The following SLC25A13 variants were observed in gnomAD, a reference collection of about 807,000 sequenced individuals.
The protein encoded by SLC25A13 is solute carrier family 25 member 13.
A neutral mutation model predicts 85.5 loss-of-function variants in SLC25A13; 70 were observed. The ratio of observed to expected loss-of-function variants is 0.82; its 90% CI spans 0.68 to 1.00. The LOEUF (loss-of-function observed/expected upper bound fraction) is 1.00. Ranked by LOEUF, SLC25A13 falls within the 50% of genes least tolerant of loss-of-function variation. The pLI, the probability that SLC25A13 is intolerant of heterozygous loss-of-function variation, is 0.00. For missense variants in SLC25A13, 765 were observed against 819.8 expected, an observed-to-expected ratio of 0.93 and a Z score of 0.82; for synonymous variants, 259 against 288.7, an observed-to-expected ratio of 0.90 and a Z score of 1.04.
At chr7:96,240,924 T>C (rs1223509758) in intron 3 of SLC25A13, among the ~76,000 whole-genome samples, 2 of 125,408 alleles carry the variant, frequency 1.6e-5, no homozygotes, top group African/African-American at 6.3e-5. Context: ...GAGACCAGAG[T>C]TGAGGAGATG....
At chr7:96,182,565 A>G (rs537580219) in intron 11 of SLC25A13, among the ~76,000 whole-genome samples, 61 of 152,286 alleles carry the variant, frequency 4.0e-4, no homozygotes, top group African/African-American at 1.4e-3. Flanking sequence ...AAAAGCAGTC[A>G]CTCTCATCTT....
intron 2 of SLC25A13, among the ~76,000 whole-genome samples, chr7:96,293,693 T>C (rs1048602948): frequency 1.6e-4 from 24 of 152,330 alleles, no homozygotes; most frequent in Admixed American, 1.6e-3. Flanking sequence ...TCATCATCAC[T>C]GGCCATCAGA....
intron 13 of SLC25A13, among the ~76,000 whole-genome samples, chr7:96,162,569 T>C (rs1793554012): frequency 1.3e-5 from 2 of 151,920 alleles, no homozygotes; most frequent in Non-Finnish European, 2.9e-5. Context: ...AATAATTAAA[T>C]GGAAAACAAA....
At chr7:96,248,085 C>G (rs1414583634) in intron 3 of SLC25A13, among the ~76,000 whole-genome samples, 1 of 152,072 alleles carries the variant, frequency 6.6e-6, no homozygotes, top group Admixed American at 6.5e-5. Context: ...CAGTCCTAAT[C>G]CTATTACCAC....
rs1562823270 is a variant in SLC25A13, at chr7:96,184,374, T to C, written c.1080A>G (p.Arg360=). ...GTTCTCCCACAAAAGAGCCAGTTGA[T>C]CGTTGGTTCTGCATTCGAGTTTTTA... ...DLVKTRMQNQ[R]STGSFVGELM... is the part of the protein sequence containing the mutation. The change falls in exon 11 of 18, where the codon CGA becomes CGG. Residue 360 remains arginine, a synonymous_variant. Coordinates refer to ENST00000265631, the MANE Select transcript of SLC25A13 (RefSeq NM_014251.3). 6.2e-7 allele frequency: 1 copy of C among 1,614,064 alleles called. No individual in the cohort carries two copies. Among genetic ancestry groups the C allele is most frequent in the Non-Finnish European group, 8.5e-7 (1 of 1,180,032 alleles).
Position 96,318,692 on chromosome 7 carries a change from G to GT in SLC25A13, c.15+3249dup, listed in dbSNP as rs544688446. ...AAAGGAAGGTCATGAATAATTAGCTGTATTTAAATAAGTATAAAGACCAAA... is the reference window on the plus strand; with the variant it reads ...AAAGGAAGGTCATGAATAATTAGCTGTTATTTAAATAAGTATAAAGACCAAA... On this transcript the variant is annotated intron_variant, in intron 1 of 17. Transcript: ENST00000265631. 1.2e-4 allele frequency among the ~76,000 whole-genome samples: 18 copies of GT among 152,326 alleles called. No homozygotes were observed. The South Asian group carries it at 3.5e-3, about 30-fold the overall frequency.
At chr7:96,204,628 T>C (rs1795391338) in intron 5 of SLC25A13, among the ~76,000 whole-genome samples, 1 of 152,182 alleles carries the variant, frequency 6.6e-6, no homozygotes, top group African/African-American at 2.4e-5. Flanking sequence ...CCACAAACCT[T>C]TAAGGGTTTT....
intron 3 of SLC25A13, among the ~76,000 whole-genome samples, chr7:96,239,512 T>G (rs1796883044): frequency 6.6e-6 from 1 of 152,096 alleles, no homozygotes; most frequent in Non-Finnish European, 1.5e-5. Context: ...ACTTAGTTCC[T>G]TTTCCACCCG....
intron 15 of SLC25A13, among the ~76,000 whole-genome samples, chr7:96,128,219 A>G (rs2116409017): frequency 6.6e-6 from 1 of 152,282 alleles, no homozygotes; most frequent in South Asian, 2.1e-4. Flanking sequence ...AGACATTTTA[A>G]TTTTGATTTT....
At chr7:96,122,409 T>C (rs1412459161) in intron 15 of SLC25A13, among the ~76,000 whole-genome samples, 2 of 152,234 alleles carry the variant, frequency 1.3e-5, no homozygotes, top group African/African-American at 2.4e-5. Context: ...AAGCTTGTTA[T>C]GCGTTTCCTC....
chr7:96,169,716 A>G (rs1317726039), intron 13 of SLC25A13, among the ~76,000 whole-genome samples: 1 of 152,218 alleles, frequency 6.6e-6, no homozygotes, highest in Non-Finnish European at 1.5e-5. Flanking sequence ...ATGAGGAAAG[A>G]ATGTACTAAA....
chr7:96,298,415 T>C (rs965331578), intron 1 of SLC25A13, among the ~76,000 whole-genome samples: 10 of 152,166 alleles, frequency 6.6e-5, no homozygotes, highest in Admixed American at 2.6e-4. Context: ...ACCAAGGCTA[T>C]TCATAAGAAT....
chr7:96,238,868 G>A (rs868220785), intron 3 of SLC25A13, among the ~76,000 whole-genome samples: 8 of 151,738 alleles, frequency 5.3e-5, no homozygotes, highest in Middle Eastern at 3.4e-3. Context: ...CACACTATGC[G>A]TTATCTAGAA....
chr7:96,236,084 T>G (rs1310712904), intron 3 of SLC25A13, among the ~76,000 whole-genome samples: 10 of 152,104 alleles, frequency 6.6e-5, no homozygotes, highest in African/African-American at 2.4e-4. Flanking sequence ...AGAACACATT[T>G]TTATAAAAAC....
At chr7:96,185,896 TC>T (rs1484387512) in intron 9 of SLC25A13, among the ~76,000 whole-genome samples, 1 of 151,234 alleles carries the variant, frequency 6.6e-6, no homozygotes, top group Non-Finnish European at 1.5e-5. Flanking sequence ...TGAGACTGTA[TC>T]AAAAAAATAA....
At position 96,189,636 on chromosome 7, in the gene SLC25A13, TA is replaced by T. The variant is rs2116650029; in HGVS notation, c.792del (p.Thr265HisfsTer11). 1.2e-6 allele frequency: 2 copies of T among 1,613,020 alleles called. No individual in the cohort carries two copies. Among genetic ancestry groups the T allele is most frequent in the Non-Finnish European group, 8.5e-7 (1 of 1,179,924 alleles). On this transcript the variant is annotated frameshift_variant, in exon 8 of 18. Transcript: ENST00000265631. LOFTEE classifies it high-confidence loss of function. The part of the protein sequence containing the change: ...FVLAAQKFGQ[V>X]TPMEVDILFQ... ...AACAAGATGTCAACTTCCATGGGTGTAACCTGACCAAATTTCTGAGCTGCCA... is the reference window on the plus strand; with the variant it reads ...AACAAGATGTCAACTTCCATGGGTGTACCTGACCAAATTTCTGAGCTGCCA...
chr7:96,125,067 A>G (rs974008989), intron 15 of SLC25A13, among the ~76,000 whole-genome samples: 4 of 152,166 alleles, frequency 2.6e-5, no homozygotes, highest in Admixed American at 1.3e-4. Flanking sequence ...GCTGTTTCAT[A>G]TATCCTACAT....
intron 13 of SLC25A13, among the ~76,000 whole-genome samples, chr7:96,154,398 G>A (rs750028674): frequency 1.3e-5 from 2 of 150,912 alleles, no homozygotes; most frequent in African/African-American, 4.9e-5. Context: ...CCAGGTTCAA[G>A]CGATTCTCAG....
At position 96,261,222 on chromosome 7, in the gene SLC25A13, T is replaced by C. The variant is rs76249586; in HGVS notation, c.212+15974A>G. Among the ~76,000 whole-genome samples, 65 of 152,304 alleles carry C rather than the reference T, an allele frequency of 4.3e-4. No individual in the cohort carries two copies. The East Asian group carries it at 0.012, about 28-fold the overall frequency. ...GACCACTTTATCGACCATAGCACTT[T>C]AATAAATATAACAACCTACCTCTAT... On this transcript the variant is annotated intron_variant, in intron 3 of 17. Coordinates refer to ENST00000265631, the MANE Select transcript of SLC25A13 (RefSeq NM_014251.3).
Sources: gnomAD v4.1 joint callset for allele counts (sites outside exome capture counted in the v4.1 genomes callset) on GRCh38, gnomAD v4.1.1 for gene constraint, MANE v1.5 for transcripts, NCBI Gene and HGNC (gene_info 2026-07-23, HGNC 2026-07-21) for gene names.